Variants in MTUS1 observed in about 807,000 individuals in gnomAD.
MTUS1 encodes the protein microtubule associated scaffold protein 1.
Under a neutral mutation model 120.8 loss-of-function variants are expected in MTUS1, and 109 were observed. That is an observed-to-expected ratio of 0.90 (90% CI 0.77 to 1.06). The LOEUF is 1.06. Among genes scored for constraint, MTUS1 ranks in the 50% least tolerant of loss-of-function variants. MTUS1 has a pLI of 0.00. For missense variants in MTUS1, 2,210 were observed against 1,486.3 expected, an observed-to-expected ratio of 1.49 and a Z score of -8.01; for synonymous variants, 737 against 550.5, an observed-to-expected ratio of 1.34 and a Z score of -4.74.
At chr8:17,800,267 T>C (rs550323330) in intron 1 of MTUS1, among the ~76,000 whole-genome samples, 1 of 152,268 alleles carries the variant, frequency 6.6e-6, no homozygotes, top group South Asian at 2.1e-4. Flanking sequence ...TGTGATTTAG[T>C]GATGATTGAC....
At chr8:17,656,539 A>G (rs929003243) in intron 8 of MTUS1, among the ~76,000 whole-genome samples, 1 of 81,054 alleles carries the variant, frequency 1.2e-5, no homozygotes, top group Non-Finnish European at 3.2e-5. Context: ...AAAACAAACA[A>G]ACAAAACCCC....
chr8:17,686,551 T>C (rs1815848288), intron 6 of MTUS1, among the ~76,000 whole-genome samples: 1 of 152,228 alleles, frequency 6.6e-6, no homozygotes, highest in Non-Finnish European at 1.5e-5. Context: ...CATTTATTGA[T>C]AACTCCTTTA....
chr8:17,669,392 G>A (rs980506294), intron 8 of MTUS1, among the ~76,000 whole-genome samples: 14 of 152,292 alleles, frequency 9.2e-5, no homozygotes, highest in Admixed American at 3.3e-4. Flanking sequence ...ACCCATGGCC[G>A]GGGCCTGGGA....
Position 17,743,610 on chromosome 8 carries a change from T to C in MTUS1, c.2281A>G (p.Ser761Gly). 6.2e-7 allele frequency: 1 copy of C among 1,613,554 alleles called. No homozygotes were observed. The highest frequency in any genetic ancestry group is 8.5e-7 in the Non-Finnish European group (1 of 1,179,734). The change falls in exon 3 of 15, where the codon AGT (serine) becomes GGT (glycine). Residue 761 changes from serine (S) to glycine (G), a missense_variant. Physicochemically the swap from Ser to Gly is moderately conservative, Grantham distance 56. Coordinates refer to ENST00000693296, the MANE Select transcript of MTUS1 (RefSeq NM_001363059.2). ...TGAACTATTTTATTCTTACCAGAAC[T>C]GGACACACGCCTGATCCTCTGAGGA... is the stretch of plus-strand genomic sequence containing the variant. ...VSPQRIRRVS[S>G]SGKPTSLKTA... is the part of the protein sequence containing the mutation.
intron 6 of MTUS1, among the ~76,000 whole-genome samples, chr8:17,709,434 T>G (rs1355343041): frequency 6.6e-6 from 1 of 152,076 alleles, no homozygotes; most frequent in East Asian, 1.9e-4. Flanking sequence ...AGGTTTTTTA[T>G]TTTATTTTTT....
chr8:17,657,143 C>G (rs1447076080), intron 8 of MTUS1, among the ~76,000 whole-genome samples: 1 of 147,670 alleles, frequency 6.8e-6, no homozygotes, highest in South Asian at 2.2e-4. Flanking sequence ...TATTTCAAAA[C>G]TAATAAAAAT....
In MTUS1 at chr8:17,754,069, T is replaced by C. The variant is rs1217552538; in HGVS notation, c.1739A>G (p.Asn580Ser). The change falls in exon 2 of 15, where the codon AAT becomes AGT. Residue 580 changes from asparagine to serine, a missense_variant. Transcript: ENST00000693296. Reference sequence around the variant, plus strand: ...CACAGCCTGGCTAGTAATGAGTTTATTAAACTGCTGCTTATGTGTCTTGTT... The same window carrying C: ...CACAGCCTGGCTAGTAATGAGTTTACTAAACTGCTGCTTATGTGTCTTGTT... ...LINKTHKQQF[N>S]KLITSQAVHV... is the part of the protein sequence containing the mutation. The C allele has an allele frequency of 2.5e-6, 4 of 1,614,046 alleles. No individual in the cohort carries two copies. Among genetic ancestry groups the C allele is most frequent in the African/African-American group, 2.7e-5 (2 of 74,922 alleles).
chr8:17,745,391 G>GTA (rs1450600640), intron 2 of MTUS1, among the ~76,000 whole-genome samples: 1 of 152,116 alleles, frequency 6.6e-6, no homozygotes, highest in African/African-American at 2.4e-5. Flanking sequence ...CTTGTTTCAG[G>GTA]TGGATTCAAC....
Position 17,766,314 on chromosome 8 carries a change from T to C in MTUS1, c.-154-10353A>G, listed in dbSNP as rs113870017. Among the ~76,000 whole-genome samples, 16 of 152,332 alleles carry C rather than the reference T, an allele frequency of 1.1e-4. 1 individual carries two copies. The highest frequency in any genetic ancestry group is 3.8e-4 in the African/African-American group (16 of 41,578). On this transcript the variant is annotated intron_variant, in intron 1 of 14. Transcript: ENST00000693296. ...GTGAGTACACCCAGTACACAAGTAA[T>C]CATCATCCTTAATGAGAATGAGAAA...
chr8:17,649,033 G>A (rs1236345466), intron 13 of MTUS1, among the ~76,000 whole-genome samples: 1 of 152,188 alleles, frequency 6.6e-6, no homozygotes, highest in Admixed American at 6.5e-5. Flanking sequence ...CAAAGTGAAT[G>A]TTAATTCATA....
chr8:17,760,369 T>C (rs1215971293), intron 1 of MTUS1, among the ~76,000 whole-genome samples: 1 of 152,100 alleles, frequency 6.6e-6, no homozygotes, highest in African/African-American at 2.4e-5. Context: ...AGTAAAAAAA[T>C]AGTGGTACAG....
chr8:17,742,769 C>T (rs1017316582), intron 3 of MTUS1, among the ~76,000 whole-genome samples: 3 of 152,122 alleles, frequency 2.0e-5, no homozygotes, highest in Non-Finnish European at 4.4e-5. Context: ...TAGAGAGGTA[C>T]AGAGATCTTC....
intron 1 of MTUS1, among the ~76,000 whole-genome samples, chr8:17,774,062 A>C (rs796330681): frequency 1.3e-5 from 2 of 152,266 alleles, no homozygotes; most frequent in African/African-American, 4.8e-5. Flanking sequence ...CTGCTGGTAA[A>C]GGCAGTCCCC....
At chr8:17,745,150 T>C (rs574976429) in intron 2 of MTUS1, among the ~76,000 whole-genome samples, 14 of 152,328 alleles carry the variant, frequency 9.2e-5, no homozygotes, top group African/African-American at 2.9e-4. Flanking sequence ...ACCTTCCCCA[T>C]ACCACTTCCT....
chr8:17,720,865 C>A, intron 4 of MTUS1, among the ~76,000 whole-genome samples: 1 of 152,012 alleles, frequency 6.6e-6, no homozygotes, highest in Non-Finnish European at 1.5e-5. Context: ...ACACTAATAT[C>A]CAAAAGGATC....
intron 13 of MTUS1, among the ~76,000 whole-genome samples, chr8:17,648,875 GC>G (rs1377261743): frequency 2.0e-5 from 3 of 152,218 alleles, no homozygotes; most frequent in African/African-American, 7.2e-5. Context: ...CACCGCGAGG[GC>G]GGGGATCACT....
intron 8 of MTUS1, among the ~76,000 whole-genome samples, chr8:17,660,872 G>A (rs1809533146): frequency 1.3e-5 from 2 of 152,164 alleles, no homozygotes; most frequent in African/African-American, 2.4e-5. Context: ...GTGAGCCTTG[G>A]TGATTAAGAA....
chr8:17,748,561 C>T (rs1166800373), intron 2 of MTUS1, among the ~76,000 whole-genome samples: 2 of 152,170 alleles, frequency 1.3e-5, no homozygotes, highest in East Asian at 3.9e-4. Context: ...GATGGTGGAG[C>T]CAAGAGAGCA....
chr8:17,769,915 CACACACACACACG>C (rs778528181), intron 1 of MTUS1, among the ~76,000 whole-genome samples: 1,472 of 89,116 alleles, frequency 0.017, 26 homozygotes, highest in East Asian at 0.096. Flanking sequence ...CACACACACA[CACACACACACACG>C]GGGGGGGTTG....
Sources: allele counts gnomAD v4.1 joint callset (sites outside exome capture counted in the v4.1 genomes callset), GRCh38; gene constraint gnomAD v4.1.1; transcripts MANE v1.5; gene names NCBI Gene and HGNC (gene_info 2026-07-23, HGNC 2026-07-21).